Variants in POU2F2 observed in about 807,000 individuals in gnomAD.
POU2F2 encodes the protein POU class 2 homeobox 2.
In POU2F2, 14 loss-of-function variants were observed where a neutral mutation model predicts 63.5. The observed-to-expected ratio is 0.22, with a 90% CI of 0.15 to 0.34. The LOEUF is 0.34. Ranked by LOEUF, POU2F2 falls within the 10% of genes least tolerant of loss-of-function variation. POU2F2 has a pLI of 1.00. For synonymous variants in POU2F2, 306 were observed against 348.6 expected, an observed-to-expected ratio of 0.88 and a Z score of 1.36; for missense variants, 607 against 815.2, an observed-to-expected ratio of 0.74 and a Z score of 3.11.
intron 1 of POU2F2, among the ~76,000 whole-genome samples, chr19:42,130,552 TC>T (rs949806974): frequency 6.6e-6 from 1 of 151,754 alleles, no homozygotes; most frequent in Non-Finnish European, 1.5e-5. Flanking sequence ...ACCTCTGAGG[TC>T]CCCATTTAAC....
chr19:42,164,291 CAAAAA>C (rs542411101), intron 1 of POU2F2, among the ~76,000 whole-genome samples: 1 of 88,156 alleles, frequency 1.1e-5, no homozygotes, highest in African/African-American at 4.6e-5. Context: ...CATTCTGTCT[CAAAAA>C]AAAAAAAAAA....
At chr19:42,177,787 G>A (rs988713895), upstream of POU2F2, among the ~76,000 whole-genome samples, 1 of 152,002 alleles carries the variant, frequency 6.6e-6, no homozygotes, top group African/African-American at 2.4e-5. Flanking sequence ...GAGACTAACA[G>A]AGATACTCAG....
At chr19:42,149,144 C>A (rs993795638) in intron 2 of POU2F2, among the ~76,000 whole-genome samples, 1 of 152,134 alleles carries the variant, frequency 6.6e-6, no homozygotes, top group Non-Finnish European at 1.5e-5. Context: ...GCCGTAAACA[C>A]CCTTGGAGTA....
intron 2 of POU2F2, among the ~76,000 whole-genome samples, chr19:42,143,507 A>AGGGAGT (rs1432249419): frequency 6.6e-6 from 1 of 152,134 alleles, no homozygotes; most frequent in East Asian, 1.9e-4. Flanking sequence ...TGTGCTCAGT[A>AGGGAGT]GGGAGTGCCC....
At chr19:42,101,734 T>C (rs1410413804) in intron 5 of POU2F2, among the ~76,000 whole-genome samples, 8 of 152,134 alleles carry the variant, frequency 5.3e-5, no homozygotes, top group Admixed American at 5.2e-4. Flanking sequence ...TCCCAGCACT[T>C]TGGGAGGCTG....
chr19:42,093,944 C>A, intron 11 of POU2F2, 49 bp from the exon 12 acceptor site: 1 of 1,532,148 alleles, frequency 6.5e-7, no homozygotes, highest in South Asian at 1.1e-5. Flanking sequence ...TGCCAGCAGC[C>A]CCCGTGATGC....
chr19:42,110,015 G>A (rs1264303688), intron 5 of POU2F2, among the ~76,000 whole-genome samples: 2 of 152,032 alleles, frequency 1.3e-5, no homozygotes, highest in African/African-American at 4.8e-5. Context: ...CCTGCACTTT[G>A]GGAGGCTGAG....
At chr19:42,132,541 A>G, upstream of POU2F2, 1 of 869,722 alleles carries the variant, frequency 1.1e-6, no homozygotes, top group Non-Finnish European at 1.6e-6. Context: ...TCAGAAGGGA[A>G]AATACCCTGG....
At chr19:42,135,441 G>A (rs1846923052), upstream of POU2F2, among the ~76,000 whole-genome samples, 1 of 151,884 alleles carries the variant, frequency 6.6e-6, no homozygotes, top group Non-Finnish European at 1.5e-5. Context: ...CAGGAAAACA[G>A]GATGATAGGG....
chr19:42,093,495 A>G (rs183025697), intron 12 of POU2F2: 3 of 254,220 alleles, frequency 1.2e-5, no homozygotes, highest in African/African-American at 4.4e-5. Flanking sequence ...CATTCATAAT[A>G]ATTTAATAAA....
Position 42,092,206 on chromosome 19 carries a change from GCCCCCA to G in POU2F2, c.1323_1328del (p.Gly445_Gly446del). The G allele has an allele frequency of 1.3e-6, 2 of 1,498,810 alleles. No individual in the cohort carries two copies. The highest frequency in any genetic ancestry group is 1.8e-6 in the Non-Finnish European group (2 of 1,103,228). The allele number at this position is 1,498,810 out of a possible 1,614,324, so 92.8% of individuals were successfully genotyped here. The stretch of plus-strand genomic sequence containing the variant: ...TGAGGGGGGGCGCAGCCCCGCCCCC[GCCCCCA>G]CCCCCTCCAGCTGTCCGGCTGGGGT... On this transcript the variant is annotated inframe_deletion, in exon 13 of 15. Coordinates refer to ENST00000692977, the MANE Select transcript of POU2F2 (RefSeq NM_001394376.1). The surrounding 1 kb of genome is among the most constrained non-coding windows in gnomAD (Gnocchi z 5.0).
chr19:42,090,891 T>G lies in POU2F2; in HGVS notation c.*366A>C. ...CTTCTCCGCCCCTGGCTGGGGTTTT[T>G]ATTTGGCGTCGTAGCAGTGAGGGTG... On this transcript the variant is annotated 3_prime_UTR_variant, in exon 15 of 15. Transcript: ENST00000692977. The surrounding 1 kb of genome is among the most constrained non-coding windows in gnomAD (Gnocchi z 4.4). The G allele has an allele frequency of 5.9e-6, 1 of 169,536 alleles. No individual in the cohort carries two copies. Among genetic ancestry groups the G allele is most frequent in the Non-Finnish European group, 1.3e-5 (1 of 79,344 alleles). The allele number at this position is 169,536 out of a possible 1,614,324, so 10.5% of individuals were successfully genotyped here.
At chr19:42,166,045 T>G (rs908050563) in intron 1 of POU2F2, among the ~76,000 whole-genome samples, 13 of 152,190 alleles carry the variant, frequency 8.5e-5, no homozygotes, top group African/African-American at 3.1e-4. Flanking sequence ...GAGCTCCCAT[T>G]AGGTTGGTAA....
At chr19:42,123,830 C>T (rs930240435) in intron 1 of POU2F2, among the ~76,000 whole-genome samples, 1 of 152,110 alleles carries the variant, frequency 6.6e-6, no homozygotes, top group African/African-American at 2.4e-5. Context: ...CACCTTGAAT[C>T]CCAAGTTGTG....
intron 1 of POU2F2, among the ~76,000 whole-genome samples, chr19:42,175,433 A>G (rs1181286992): frequency 1.3e-5 from 2 of 152,022 alleles, no homozygotes; most frequent in Non-Finnish European, 2.9e-5. Context: ...AGAGCTGGCA[A>G]CAGGGGAAAT....
intron 1 of POU2F2, among the ~76,000 whole-genome samples, chr19:42,168,150 C>A (rs1303493776): frequency 6.6e-6 from 1 of 152,200 alleles, no homozygotes; most frequent in Non-Finnish European, 1.5e-5. Flanking sequence ...CTCACCAGAC[C>A]TTGGCCAGGG....
Position 42,099,835 on chromosome 19 carries a change from G to T in POU2F2, c.370-14C>A. 6.4e-7 allele frequency: 1 copy of T among 1,550,834 alleles called. No homozygotes were observed. The highest frequency in any genetic ancestry group is 1.2e-5 in the South Asian group (1 of 84,548). ...CTGCTGTATGTCCTGGCAGGGAGTG[G>T]GGTGGACAGAAAGATAGCCTGAGTC... On this transcript the variant is annotated splice_polypyrimidine_tract_variant and intron_variant, in intron 5 of 14. Coordinates refer to ENST00000692977, the MANE Select transcript of POU2F2 (RefSeq NM_001394376.1).
chr19:42,110,641 A>G, intron 5 of POU2F2: 1 of 446,722 alleles, frequency 2.2e-6, no homozygotes, highest in Non-Finnish European at 4.5e-6. Context: ...TTATGGAGAG[A>G]CCTGGGCCTT....
At chr19:42,167,384 G>A (rs904703312) in intron 1 of POU2F2, among the ~76,000 whole-genome samples, 4 of 151,912 alleles carry the variant, frequency 2.6e-5, no homozygotes, top group African/African-American at 9.7e-5. Context: ...AACCTCAGAG[G>A]CAGAGGTTGC....
Sources: gnomAD v4.1 joint callset for allele counts (sites outside exome capture counted in the v4.1 genomes callset) on GRCh38, gnomAD v4.1.1 for gene constraint, Gnocchi (gnomAD v3.1) non-coding constraint, MANE v1.5 for transcripts, NCBI Gene and HGNC (gene_info 2026-07-23, HGNC 2026-07-21) for gene names.